Variants in GLMN observed in about 807,000 individuals in gnomAD.
GLMN encodes the protein glomulin.
A neutral mutation model predicts 87.8 loss-of-function variants in GLMN; 75 were observed. The ratio of observed to expected loss-of-function variants is 0.85; its 90% CI spans 0.71 to 1.04. The LOEUF (loss-of-function observed/expected upper bound fraction) is 1.04, where lower values mean the gene tolerates loss of function less well. GLMN is among the 50% of genes least tolerant of loss of function. The probability of loss-of-function intolerance (pLI) is 0.00; values close to 1 mark genes in which losing one functional copy is unlikely to be tolerated. For missense variants in GLMN, 588 were observed against 658.8 expected, an observed-to-expected ratio of 0.89 and a Z score of 1.18; for synonymous variants, 206 against 221.6, an observed-to-expected ratio of 0.93 and a Z score of 0.63.
At position 92,297,403 on chromosome 1, in the gene GLMN, C is replaced by A; in HGVS notation, c.165+1G>T. The A allele has an allele frequency of 6.2e-7, 1 of 1,610,002 alleles. No individual in the cohort carries two copies. The highest frequency in any genetic ancestry group is 8.5e-7 in the Non-Finnish European group (1 of 1,177,408). On this transcript the variant is annotated splice_donor_variant, in intron 3 of 18. Coordinates refer to ENST00000370360, the MANE Select transcript of GLMN (RefSeq NM_053274.3). LOFTEE classifies it high-confidence loss of function. ...AAAGTAAACACCAAGATTGTACGCA[C>A]CTTATTCTTTTCATTTTGAATAATT...
In GLMN at chr1:92,297,403, C is replaced by T. The variant is rs1182082736; in HGVS notation, c.165+1G>A. 1 of 1,609,890 alleles carries T rather than the reference C, an allele frequency of 6.2e-7. No homozygotes were observed. Among genetic ancestry groups the T allele is most frequent in the Non-Finnish European group, 8.5e-7 (1 of 1,177,416 alleles). On this transcript the variant is annotated splice_donor_variant, in intron 3 of 18. Transcript: ENST00000370360. LOFTEE classifies it high-confidence loss of function. ...AAAGTAAACACCAAGATTGTACGCA[C>T]CTTATTCTTTTCATTTTGAATAATT...
At chr1:92,269,627 TAGAGCTTAGCAAAGAAAAGGC>T in intron 9 of GLMN, 75 bp downstream of exon 9, 1 of 818,066 alleles carries the variant, frequency 1.2e-6, no homozygotes, top group Admixed American at 1.8e-5. Context: ...ATTAATTAAT[TAGAGCTTAGCAAAGAAAAGGC>T]AGTCTCCGCT....
chr1:92,259,728 C>CTTTTTTTTTT (rs1654757103), intron 16 of GLMN, among the ~76,000 whole-genome samples: 1 of 111,180 alleles, frequency 9.0e-6, no homozygotes, highest in Non-Finnish European at 1.8e-5. Flanking sequence ...TCTTTTTTTT[C>CTTTTTTTTTT]TTTCTTTTTT....
the GLMN span, among the ~76,000 whole-genome samples, chr1:92,336,078 A>G: frequency 6.6e-6 from 1 of 152,196 alleles, no homozygotes; most frequent in African/African-American, 2.4e-5. Context: ...ACAGGTAAGT[A>G]AAACTAGGGA....
intron 3 of GLMN, among the ~76,000 whole-genome samples, chr1:92,292,943 A>G (rs902913581): frequency 6.6e-5 from 10 of 151,594 alleles, no homozygotes; most frequent in Non-Finnish European, 1.5e-4. Flanking sequence ...GGATGGCTTG[A>G]GCCTGGGAGG....
upstream of GLMN, chr1:92,299,228 C>T (rs1650589612): frequency 3.6e-6 from 3 of 839,996 alleles, no homozygotes; most frequent in South Asian, 7.6e-5. Flanking sequence ...CGCGCGGGCG[C>T]TCCTGAAAGG....
the GLMN span, among the ~76,000 whole-genome samples, chr1:92,312,129 G>A: frequency 1.4e-4 from 21 of 152,180 alleles, no homozygotes; most frequent in Admixed American, 2.0e-4. Context: ...ATTGGAGTCC[G>A]GCCAGGAGCA....
At chr1:92,316,886 G>A in the GLMN span, among the ~76,000 whole-genome samples, 1 of 152,146 alleles carries the variant, frequency 6.6e-6, no homozygotes, top group Non-Finnish European at 1.5e-5. Flanking sequence ...TTCAGTGTCA[G>A]GTACCATTCT....
At chr1:92,350,814 T>G in the GLMN span, among the ~76,000 whole-genome samples, 1 of 151,878 alleles carries the variant, frequency 6.6e-6, no homozygotes. Context: ...TGCCTATAGT[T>G]CCAGCTACTC....
intron 16 of GLMN, among the ~76,000 whole-genome samples, chr1:92,258,688 G>A (rs577254589): frequency 6.6e-6 from 1 of 152,276 alleles, no homozygotes; most frequent in Admixed American, 6.5e-5. Context: ...TCACTCATAA[G>A]TAGGAGTTGA....
chr1:92,254,539 C>A (rs553588354), intron 16 of GLMN, among the ~76,000 whole-genome samples: 1 of 152,158 alleles, frequency 6.6e-6, no homozygotes, highest in Non-Finnish European at 1.5e-5. Context: ...TTACCCACAA[C>A]GGGAAGCCCA....
the GLMN span, among the ~76,000 whole-genome samples, chr1:92,312,684 A>T: frequency 6.6e-6 from 1 of 152,032 alleles, no homozygotes; most frequent in Non-Finnish European, 1.5e-5. Flanking sequence ...TTTCCACCAT[A>T]TCCATAGTGA....
At chr1:92,347,693 G>A in the GLMN span, among the ~76,000 whole-genome samples, 17 of 152,248 alleles carry the variant, frequency 1.1e-4, no homozygotes, top group South Asian at 3.5e-3. Flanking sequence ...AACCTCTCTA[G>A]TGTTTGATTT....
At chr1:92,358,763 A>T in the GLMN span, among the ~76,000 whole-genome samples, 1 of 152,080 alleles carries the variant, frequency 6.6e-6, no homozygotes, top group Admixed American at 6.5e-5. Flanking sequence ...TTAAAAAAAA[A>T]AATTGTAGAG....
chr1:92,256,405 AG>A (rs1654257605), intron 16 of GLMN, among the ~76,000 whole-genome samples: 1 of 152,246 alleles, frequency 6.6e-6, no homozygotes, highest in Non-Finnish European at 1.5e-5. Context: ...TCATTTTATG[AG>A]GCCAGCATCA....
the GLMN span, among the ~76,000 whole-genome samples, chr1:92,317,224 G>T: frequency 6.6e-6 from 1 of 152,164 alleles, no homozygotes; most frequent in Non-Finnish European, 1.5e-5. Context: ...AAATAGAGTT[G>T]AAGGCTCGGT....
At chr1:92,316,040 G>A in the GLMN span, among the ~76,000 whole-genome samples, 1 of 152,162 alleles carries the variant, frequency 6.6e-6, no homozygotes, top group African/African-American at 2.4e-5. Flanking sequence ...AATCCTGTTT[G>A]GCTAAATGTA....
At chr1:92,312,017 C>T in the GLMN span, among the ~76,000 whole-genome samples, 1 of 152,078 alleles carries the variant, frequency 6.6e-6, no homozygotes, top group Admixed American at 6.5e-5. Flanking sequence ...AATAAGACAA[C>T]CCCAGGTTTG....
upstream of GLMN, among the ~76,000 whole-genome samples, chr1:92,302,109 C>T (rs1008372547): frequency 1.3e-5 from 2 of 151,982 alleles, no homozygotes; most frequent in South Asian, 2.1e-4. Context: ...GGTGAAACCT[C>T]GTTTCTACTA....
Sources: allele counts gnomAD v4.1 joint callset (sites outside exome capture counted in the v4.1 genomes callset), GRCh38; gene constraint gnomAD v4.1.1; transcripts MANE v1.5; gene names NCBI Gene and HGNC (gene_info 2026-07-23, HGNC 2026-07-21).